The following TACC2 variants were observed in gnomAD, a reference collection of about 807,000 sequenced individuals.
TACC2 encodes the protein transforming acidic coiled-coil containing protein 2.
Under a neutral mutation model 227.3 loss-of-function variants are expected in TACC2, and 137 were observed. That is an observed-to-expected ratio of 0.60 (90% CI 0.52 to 0.69). The LOEUF is 0.69. TACC2 is among the 30% of genes least tolerant of loss of function. The pLI is 0.00. For missense variants in TACC2, 3,470 were observed against 3,694.4 expected (o/e 0.94, Z 1.57); for synonymous variants, 1,523 against 1,487.5 (o/e 1.02, Z -0.55).
At chr10:122,073,805 G>A (rs1408866727) in intron 3 of TACC2, among the ~76,000 whole-genome samples, 1 of 151,942 alleles carries the variant, frequency 6.6e-6, no homozygotes, top group African/African-American at 2.4e-5. Flanking sequence ...TTTGAGATAG[G>A]GTCTTGCTTT....
intron 22 of TACC2, 41 bp from the exon 23 acceptor site, chr10:122,253,950 A>G: frequency 1.9e-6 from 3 of 1,586,090 alleles, no homozygotes; most frequent in Non-Finnish European, 2.6e-6. Flanking sequence ...GACTGGCCAG[A>G]TTTCAAACAT....
intron 5 of TACC2, among the ~76,000 whole-genome samples, chr10:122,101,551 CTTTTTTT>C (rs34331470): frequency 1.3e-4 from 6 of 47,180 alleles, no homozygotes; most frequent in East Asian, 1.8e-3. Flanking sequence ...AAAACCCCAT[CTTTTTTT>C]TTTTTTTTTT....
Position 122,087,252 on chromosome 10 carries a change from T to A in TACC2, c.4752T>A (p.His1584Gln), listed in dbSNP as rs752740775. Residue 1584 changes from histidine (H) to glutamine (Q), a missense_variant, in exon 4 of 23, where the codon CAT becomes CAA. Physicochemically the swap from His to Gln is conservative, Grantham distance 24. Transcript: ENST00000369005. ...CCTTCCAGGTGGCTCCCCATAGCCA[T>A]GGAGAAGAGGCCGTGGCCCAAGACA... ...AAAFQVAPHSHGEEAVAQDRI... is the reference protein window; with the variant it reads ...AAAFQVAPHSQGEEAVAQDRI... 40 of 1,613,614 alleles carry A rather than the reference T, an allele frequency of 2.5e-5. No individual in the cohort carries two copies. Among genetic ancestry groups the A allele is most frequent in the Admixed American group, 1.2e-4 (7 of 60,008 alleles).
intron 3 of TACC2, among the ~76,000 whole-genome samples, chr10:122,076,510 G>A (rs982501141): frequency 6.6e-6 from 1 of 152,184 alleles, no homozygotes; most frequent in African/African-American, 2.4e-5. Context: ...ACGAGTAGCA[G>A]TGATGATGTT....
At chr10:122,149,979 C>T (rs561362659) in intron 7 of TACC2, among the ~76,000 whole-genome samples, 9 of 152,352 alleles carry the variant, frequency 5.9e-5, no homozygotes, top group African/African-American at 2.2e-4. Flanking sequence ...CCCGCTCAGT[C>T]TCCGAAATGT....
At chr10:122,135,211 A>G (rs1457912895) in intron 6 of TACC2, among the ~76,000 whole-genome samples, 1 of 152,174 alleles carries the variant, frequency 6.6e-6, no homozygotes, top group African/African-American at 2.4e-5. Context: ...CTCCACTGGC[A>G]GAGCTGCGGG....
At chr10:122,178,296 T>C (rs1349362116) in intron 7 of TACC2, among the ~76,000 whole-genome samples, 1 of 150,822 alleles carries the variant, frequency 6.6e-6, no homozygotes, top group Non-Finnish European at 1.5e-5. Context: ...GAGTGCAGTG[T>C]CGTGATCTTT....
intron 3 of TACC2, among the ~76,000 whole-genome samples, chr10:122,069,364 C>A (rs1171907154): frequency 1.3e-5 from 2 of 152,156 alleles, no homozygotes; most frequent in African/African-American, 2.4e-5. Context: ...GCCTCAGCCT[C>A]CCAAGTAGCT....
In TACC2 at chr10:122,215,494, G is replaced by A. The variant is rs777356077; in HGVS notation, c.7344+43G>A. 3 of 1,564,552 alleles carry A rather than the reference G, an allele frequency of 1.9e-6. No individual in the cohort carries two copies. The Admixed American group carries it at 5.0e-5, about 26-fold the overall frequency. ...TCTTGATGGTTTTATGCCCCCCCCG[G>A]GGGAGGTTTTCTTCGCTTGTTGACA... On this transcript the variant is annotated intron_variant, in intron 10 of 22. Coordinates refer to ENST00000369005, the MANE Select transcript of TACC2 (RefSeq NM_206862.4).
At chr10:122,204,362 A>T (rs1039088906) in intron 8 of TACC2, among the ~76,000 whole-genome samples, 2 of 152,178 alleles carry the variant, frequency 1.3e-5, no homozygotes, top group African/African-American at 4.8e-5. Context: ...ATGAGCAGTT[A>T]AGTCAGTAAC....
At chr10:122,178,753 C>T (rs572915176) in intron 7 of TACC2, among the ~76,000 whole-genome samples, 2 of 152,192 alleles carry the variant, frequency 1.3e-5, no homozygotes, top group Admixed American at 6.5e-5. Context: ...TGGGGTTGTG[C>T]GCCTGTAGTC....
Position 122,194,805 on chromosome 10 carries a change from G to A in TACC2, c.5835-235G>A, listed in dbSNP as rs2094512987. 6.6e-6 allele frequency among the ~76,000 whole-genome samples: 1 copy of A among 152,230 alleles called. No homozygotes were observed. Among genetic ancestry groups the A allele is most frequent in the Non-Finnish European group, 1.5e-5 (1 of 68,046 alleles). On this transcript the variant is annotated intron_variant, in intron 7 of 22. Transcript: ENST00000369005. This position sits in a 1 kb window ranked among gnomAD's most constrained non-coding sequence, Gnocchi z 4.4. ...TATTTGCCACTAAGGCGAGAAGCGTGTATTTCCAGTAGAGCCGAGTTCAAA... is the reference window on the plus strand; with the variant it reads ...TATTTGCCACTAAGGCGAGAAGCGTATATTTCCAGTAGAGCCGAGTTCAAA...
At chr10:122,002,540 G>T (rs1357803453) in intron 1 of TACC2, among the ~76,000 whole-genome samples, 1 of 152,118 alleles carries the variant, frequency 6.6e-6, no homozygotes, top group African/African-American at 2.4e-5. Flanking sequence ...GGAATAATTT[G>T]TAGAGCACGC....
intron 3 of TACC2, among the ~76,000 whole-genome samples, chr10:122,078,357 G>A (rs140028259): frequency 6.6e-6 from 1 of 152,166 alleles, no homozygotes; most frequent in Admixed American, 6.6e-5. Context: ...TCTGTAGCTG[G>A]CCTCCTTCCT....
intron 5 of TACC2, chr10:122,088,878 T>A: frequency 2.4e-6 from 2 of 847,272 alleles, no homozygotes; most frequent in South Asian, 3.6e-5. Flanking sequence ...CCCAACACTT[T>A]GGGAGGTCGA....
At chr10:122,222,947 T>G (rs1435943877) in intron 11 of TACC2, among the ~76,000 whole-genome samples, 2 of 152,112 alleles carry the variant, frequency 1.3e-5, no homozygotes, top group Non-Finnish European at 2.9e-5. Context: ...AGTAAAATGA[T>G]AGTCCCAGAG....
At chr10:122,132,803 T>G in intron 6 of TACC2, 69 bp downstream of exon 6, 1 of 1,462,968 alleles carries the variant, frequency 6.8e-7, no homozygotes, top group Non-Finnish European at 9.4e-7. Context: ...CTTCCCCCGC[T>G]CCCCTCCCTT....
chr10:122,015,198 A>G (rs964884884), intron 1 of TACC2, among the ~76,000 whole-genome samples: 1 of 152,102 alleles, frequency 6.6e-6, no homozygotes, highest in African/African-American at 2.4e-5. Flanking sequence ...GCACATTAAA[A>G]AAACAAAAAC....
At chr10:122,183,653 G>A (rs2094059105) in intron 7 of TACC2, among the ~76,000 whole-genome samples, 1 of 152,264 alleles carries the variant, frequency 6.6e-6, no homozygotes, top group Non-Finnish European at 1.5e-5. Flanking sequence ...CTGCTGATTC[G>A]TTCCCCTGGA....
Sources: gnomAD v4.1 joint callset for allele counts (sites outside exome capture counted in the v4.1 genomes callset) on GRCh38, gnomAD v4.1.1 for gene constraint, Gnocchi (gnomAD v3.1) non-coding constraint, MANE v1.5 for transcripts, NCBI Gene and HGNC (gene_info 2026-07-23, HGNC 2026-07-21) for gene names.